Variants in SLC47A1 observed in about 807,000 individuals in gnomAD.
SLC47A1 encodes multidrug and toxin extrusion protein 1.
Under a neutral mutation model 65.8 loss-of-function variants are expected in SLC47A1, and 58 were observed. The ratio of observed to expected loss-of-function variants is 0.88; its 90% CI spans 0.71 to 1.10. The LOEUF is 1.10. SLC47A1 is among the 50% of genes least tolerant of loss of function. The pLI is 0.00. For missense variants in SLC47A1, 706 were observed against 719.2 expected (o/e 0.98, Z 0.21); for synonymous variants, 285 against 295.0 (o/e 0.97, Z 0.35).
chr17:19,542,603 C>CCTG, intron 2 of SLC47A1, 109 bp downstream of exon 2: 1 of 891,640 alleles, frequency 1.1e-6, no homozygotes, highest in Non-Finnish European at 1.7e-6. Context: ...CAGACTTATT[C>CCTG]TCTTACAGTG....
intron 14 of SLC47A1, among the ~76,000 whole-genome samples, chr17:19,569,297 G>A (rs970202886): frequency 4.6e-5 from 7 of 151,946 alleles, no homozygotes; most frequent in Non-Finnish European, 8.8e-5. Context: ...GCTTGAACCC[G>A]GGAGGCGGAG....
At chr17:19,555,339 G>A in intron 7 of SLC47A1, 30 bp downstream of exon 7, 1 of 1,609,688 alleles carries the variant, frequency 6.2e-7, no homozygotes, top group South Asian at 1.1e-5. Context: ...GGGACAGGGA[G>A]AAGGGATGAC....
intron 16 of SLC47A1, among the ~76,000 whole-genome samples, chr17:19,576,079 T>C (rs761975984): frequency 6.6e-6 from 1 of 151,832 alleles, no homozygotes; most frequent in Non-Finnish European, 1.5e-5. Context: ...CCTTTGGAAG[T>C]TGAATGAACC....
intron 1 of SLC47A1, 177 bp downstream of exon 1, chr17:19,534,251 G>T (rs1044170415): frequency 1.4e-5 from 11 of 782,112 alleles, no homozygotes; most frequent in Non-Finnish European, 2.0e-5. Context: ...CCTGCGTCCC[G>T]GCCGCTTTCC....
intron 14 of SLC47A1, among the ~76,000 whole-genome samples, chr17:19,571,268 C>T (rs1241308120): frequency 6.6e-6 from 1 of 152,050 alleles, no homozygotes; most frequent in Non-Finnish European, 1.5e-5. Flanking sequence ...GGGGTGGCCT[C>T]AAGGAGTACT....
chr17:19,552,924 T>C (rs889587706), intron 6 of SLC47A1, among the ~76,000 whole-genome samples: 10 of 151,930 alleles, frequency 6.6e-5, no homozygotes, highest in African/African-American at 2.4e-4. Flanking sequence ...AATTAACTAA[T>C]TGGGAGAGGA....
chr17:19,576,744 T>C (rs1426599510), intron 16 of SLC47A1, among the ~76,000 whole-genome samples: 2 of 151,952 alleles, frequency 1.3e-5, no homozygotes, highest in Admixed American at 6.6e-5. Context: ...GAATCCTTTT[T>C]TTTTTTTCCC....
intron 14 of SLC47A1, 64 bp from the exon 15 acceptor site, chr17:19,571,414 C>T (rs1288617082): frequency 7.0e-7 from 1 of 1,428,578 alleles, no homozygotes; most frequent in African/African-American, 1.4e-5. Flanking sequence ...ATAGGCAAAA[C>T]ATACTCCCCA....
Position 19,555,197 on chromosome 17 carries a change from G to T in SLC47A1, c.544-15G>T. 2.5e-6 allele frequency: 4 copies of T among 1,612,274 alleles called. No individual in the cohort carries two copies. The highest frequency in any genetic ancestry group is 2.5e-6 in the Non-Finnish European group (3 of 1,178,274). On this transcript the variant is annotated splice_polypyrimidine_tract_variant and intron_variant, in intron 6 of 16. Coordinates refer to ENST00000270570, the MANE Select transcript of SLC47A1 (RefSeq NM_018242.3). ...CTGTGGATCTCAAGGATGGCATGCG[G>T]TGTCCTTTTTCCAGGGAATTGTACT...
At chr17:19,560,037 C>T (rs569025777) in intron 10 of SLC47A1, 151 bp from the exon 11 acceptor site, 70 of 608,488 alleles carry the variant, frequency 1.2e-4, no homozygotes, top group Non-Finnish European at 1.6e-4. Context: ...TGGGAGTTCC[C>T]GGCTAGACAA....
chr17:19,544,664 G>T (rs1567966531), intron 2 of SLC47A1, among the ~76,000 whole-genome samples: 4 of 152,240 alleles, frequency 2.6e-5, no homozygotes, highest in Admixed American at 2.6e-4. Context: ...TGCACTCCCA[G>T]TGCCCCCCAG....
rs1915915489 is a variant in SLC47A1 at position 19,533,917 on chromosome 17, C to A, written c.-23C>A. On this transcript the variant is annotated 5_prime_UTR_variant, in exon 1 of 17. Transcript: ENST00000270570. ...GTACCCACTGCCGGCCTCCGCGCTA[C>A]CCGGCCGCAGCGCGCGAGTCACATG... 1.4e-6 allele frequency: 2 copies of A among 1,480,502 alleles called. No homozygotes were observed. The highest frequency in any genetic ancestry group is 2.4e-5 in the Admixed American group (1 of 41,984). The allele number at this position is 1,480,502 out of a possible 1,614,324, so 91.7% of individuals were successfully genotyped here.
At chr17:19,574,098 T>A (rs1012392138) in intron 16 of SLC47A1, among the ~76,000 whole-genome samples, 3 of 152,010 alleles carry the variant, frequency 2.0e-5, no homozygotes, top group African/African-American at 7.3e-5. Context: ...AATTTTTGTA[T>A]TTTTAGTGGA....
intron 10 of SLC47A1, chr17:19,557,565 G>A (rs2152314863): frequency 1.9e-6 from 1 of 515,282 alleles, no homozygotes; most frequent in African/African-American, 1.9e-5. Flanking sequence ...AGTGGGCCCA[G>A]GGTATGTTCA....
intron 8 of SLC47A1, 40 bp from the exon 9 acceptor site, chr17:19,555,756 A>T: frequency 6.2e-7 from 1 of 1,613,342 alleles, no homozygotes; most frequent in South Asian, 1.1e-5. Flanking sequence ...TTCCAGCCCG[A>T]TGGCCAGATC....
At chr17:19,564,300 A>G (rs1308978066) in intron 12 of SLC47A1, among the ~76,000 whole-genome samples, 1 of 152,056 alleles carries the variant, frequency 6.6e-6, no homozygotes, top group Non-Finnish European at 1.5e-5. Context: ...GCAGTGAGCC[A>G]TGATTGCATC....
intron 10 of SLC47A1, chr17:19,557,811 C>T (rs559750394): frequency 1.9e-4 from 64 of 345,180 alleles, no homozygotes; most frequent in African/African-American, 1.3e-3. Flanking sequence ...CATTGTTTCT[C>T]CTTAACAGTG....
At chr17:19,549,917 A>T (rs1037974000) in intron 5 of SLC47A1, among the ~76,000 whole-genome samples, 1 of 152,208 alleles carries the variant, frequency 6.6e-6, no homozygotes, top group East Asian at 1.9e-4. Flanking sequence ...AGACCTCCAG[A>T]ATCATCCATG....
In SLC47A1 at chr17:19,578,774, C is replaced by G. The variant is rs2084459247; in HGVS notation, c.*1221C>G. On this transcript the variant is annotated 3_prime_UTR_variant, in exon 17 of 17. Coordinates refer to ENST00000270570, the MANE Select transcript of SLC47A1 (RefSeq NM_018242.3). ...GAAACTGCGTGCTGTAAGCTGGGAC[C>G]AGCTTTGTCCATAACTGCTGAGAGA... 6.6e-6 allele frequency: 1 copy of G among 152,210 alleles called. No individual in the cohort carries two copies. The highest frequency in any genetic ancestry group is 2.4e-5 in the African/African-American group (1 of 41,448). 9.4% of individuals were successfully genotyped at this position (152,210 alleles called of 1,614,324 possible).
Sources: gnomAD v4.1 joint callset for allele counts (sites outside exome capture counted in the v4.1 genomes callset) on GRCh38, gnomAD v4.1.1 for gene constraint, MANE v1.5 for transcripts, NCBI Gene and HGNC (gene_info 2026-07-23, HGNC 2026-07-21) for gene names.